Variants in LRRC8B observed in about 807,000 individuals in gnomAD.
The protein encoded by LRRC8B is volume-regulated anion channel subunit LRRC8B.
Under a neutral mutation model 58.8 loss-of-function variants are expected in LRRC8B, and 23 were observed. The ratio of observed to expected loss-of-function variants is 0.39; its 90% CI spans 0.28 to 0.55. The LOEUF (loss-of-function observed/expected upper bound fraction) is 0.55. LRRC8B is among the 20% of genes least tolerant of loss of function. The probability of loss-of-function intolerance (pLI) is 0.62; values close to 1 mark genes in which losing one functional copy is unlikely to be tolerated. For missense variants in LRRC8B, 694 were observed against 936.0 expected (o/e 0.74, Z 3.37); for synonymous variants, 359 against 374.1 (o/e 0.96, Z 0.47).
intron 1 of LRRC8B, among the ~76,000 whole-genome samples, chr1:89,561,635 TA>T (rs1427377800): frequency 9.0e-6 from 1 of 110,552 alleles, no homozygotes; most frequent in Non-Finnish European, 1.8e-5. Context: ...CACCATTTAT[TA>T]AATAGGGAAT....
chr1:89,560,756 T>C (rs960491956), intron 1 of LRRC8B, among the ~76,000 whole-genome samples: 34 of 150,086 alleles, frequency 2.3e-4, no homozygotes, highest in Non-Finnish European at 4.2e-4. Flanking sequence ...ATGGTGTATA[T>C]GTGCCACATT....
intron 1 of LRRC8B, among the ~76,000 whole-genome samples, chr1:89,562,602 C>T (rs1405244474): frequency 6.6e-6 from 1 of 152,050 alleles, no homozygotes; most frequent in Non-Finnish European, 1.5e-5. Flanking sequence ...CCCTGAGTAG[C>T]TGGGAGTACA....
intron 1 of LRRC8B, among the ~76,000 whole-genome samples, chr1:89,550,776 C>T (rs1651741355): frequency 1.3e-5 from 2 of 152,132 alleles, no homozygotes; most frequent in African/African-American, 4.8e-5. Flanking sequence ...CATTCCTGGT[C>T]AGTCTCACTG....
chr1:89,536,467 G>T (rs1286682865), intron 1 of LRRC8B, among the ~76,000 whole-genome samples: 1 of 152,204 alleles, frequency 6.6e-6, no homozygotes, highest in African/African-American at 2.4e-5. Flanking sequence ...AGAGTGCATG[G>T]CTCTTAGCAG....
rs142513950 is a variant in LRRC8B at position 89,534,182 on chromosome 1, C to G, written c.-241+9160C>G. Among the ~76,000 whole-genome samples the G allele has an allele frequency of 1.3e-4, 20 of 152,238 alleles. No homozygotes were observed. The East Asian group carries it at 3.9e-3, about 29-fold the overall frequency. ...TATCCTCTAAAACGATTTTGAAAAACGACTTGTTCTCATATATTTTTAAAG... is the reference window on the plus strand; with the variant it reads ...TATCCTCTAAAACGATTTTGAAAAAGGACTTGTTCTCATATATTTTTAAAG... On this transcript the variant is annotated intron_variant, in intron 1 of 5. Coordinates refer to ENST00000330947, the MANE Select transcript of LRRC8B (RefSeq NM_001369817.2).
rs1655160948 is a variant in LRRC8B at position 89,594,022 on chromosome 1, T to A, written c.*979T>A. 6.6e-6 allele frequency: 1 copy of A among 152,222 alleles called. No individual in the cohort carries two copies. Among genetic ancestry groups the A allele is most frequent in the Non-Finnish European group, 1.5e-5 (1 of 68,032 alleles). 9.4% of individuals were successfully genotyped at this position (152,222 alleles called of 1,614,324 possible). ...AAGATGTATTATCCTCGGGGCATCC[T>A]GAAAATTAATGTATTCCCTAAAATT... On this transcript the variant is annotated 3_prime_UTR_variant, in exon 6 of 6. Transcript: ENST00000330947.
intron 1 of LRRC8B, among the ~76,000 whole-genome samples, chr1:89,533,443 A>G (rs573129959): frequency 1.3e-5 from 2 of 152,312 alleles, no homozygotes; most frequent in South Asian, 4.1e-4. Flanking sequence ...AAGGTTCTAG[A>G]TAGCCAGATG....
chr1:89,560,079 T>A (rs1314156179), intron 1 of LRRC8B, among the ~76,000 whole-genome samples: 1 of 152,208 alleles, frequency 6.6e-6, no homozygotes, highest in African/African-American at 2.4e-5. Context: ...TCTCTAACAT[T>A]ACATGTAAGG....
At chr1:89,526,678 C>G (rs1191953505) in intron 1 of LRRC8B, among the ~76,000 whole-genome samples, 1 of 152,164 alleles carries the variant, frequency 6.6e-6, no homozygotes, top group Non-Finnish European at 1.5e-5. Context: ...AAAAAGAGGT[C>G]TCTTGAATGG....
intron 1 of LRRC8B, among the ~76,000 whole-genome samples, chr1:89,552,323 A>G (rs767574622): frequency 5.3e-5 from 8 of 152,152 alleles, no homozygotes; most frequent in South Asian, 2.1e-4. Context: ...CCCACACCCA[A>G]TCTCCTTGGA....
intron 1 of LRRC8B, among the ~76,000 whole-genome samples, chr1:89,534,274 T>C (rs566076739): frequency 3.3e-5 from 5 of 152,362 alleles, no homozygotes; most frequent in South Asian, 4.1e-4. Flanking sequence ...ATTATAACTA[T>C]TGGGTTTTAA....
chr1:89,541,339 C>A (rs1650952089), intron 1 of LRRC8B, among the ~76,000 whole-genome samples: 1 of 152,154 alleles, frequency 6.6e-6, no homozygotes, highest in South Asian at 2.1e-4. Context: ...GAGAGAGTTC[C>A]CATCACTTTT....
In LRRC8B at chr1:89,592,657, C is replaced by T. The variant is rs1437359117; in HGVS notation, c.2140-114C>T. ...AATTTATCATCATTGTAGTCTGCATCACTTATAAACCTCCAGAAATGTTTT... is the reference window on the plus strand; with the variant it reads ...AATTTATCATCATTGTAGTCTGCATTACTTATAAACCTCCAGAAATGTTTT... On this transcript the variant is annotated intron_variant, in intron 5 of 5. Coordinates refer to ENST00000330947, the MANE Select transcript of LRRC8B (RefSeq NM_001369817.2). The T allele has an allele frequency of 1.4e-5, 12 of 866,488 alleles. No individual in the cohort carries two copies. The Admixed American group carries it at 3.0e-4, about 21-fold the overall frequency. 53.7% of individuals were successfully genotyped at this position (866,488 alleles called of 1,614,324 possible).
Position 89,583,760 on chromosome 1 carries a change from T to C in LRRC8B, c.1110T>C (p.Leu370=). The change falls in exon 5 of 6, where the codon CTT becomes CTC. Residue 370 remains leucine (L), a synonymous_variant. Coordinates refer to ENST00000330947, the MANE Select transcript of LRRC8B (RefSeq NM_001369817.2). The surrounding 1 kb of genome is among the most constrained non-coding windows in gnomAD (Gnocchi z 5.2). ...TCAAGAATGACTTTGCCTTCATCCTTCATCTGGCTGATCAGTATGATCCTC... is the reference window on the plus strand; with the variant it reads ...TCAAGAATGACTTTGCCTTCATCCTCCATCTGGCTGATCAGTATGATCCTC... The part of the protein sequence containing the change: ...PDVKNDFAFI[L]HLADQYDPLY... The C allele has an allele frequency of 1.2e-6, 2 of 1,614,204 alleles. No homozygotes were observed. Among genetic ancestry groups the C allele is most frequent in the South Asian group, 2.2e-5 (2 of 91,088 alleles).
chr1:89,557,817 A>G (rs1465608326), intron 1 of LRRC8B, among the ~76,000 whole-genome samples: 1 of 152,210 alleles, frequency 6.6e-6, no homozygotes, highest in Non-Finnish European at 1.5e-5. Flanking sequence ...GGCTTGGGGA[A>G]CATTGAAATT....
intron 3 of LRRC8B, among the ~76,000 whole-genome samples, chr1:89,576,316 TA>T (rs1241110567): frequency 3.3e-5 from 5 of 152,174 alleles, no homozygotes; most frequent in Admixed American, 3.3e-4. Flanking sequence ...CAAGAAGACT[TA>T]AAAGACAGGC....
At chr1:89,589,128 G>T (rs1654817245) in intron 5 of LRRC8B, among the ~76,000 whole-genome samples, 1 of 151,642 alleles carries the variant, frequency 6.6e-6, no homozygotes, top group African/African-American at 2.4e-5. Context: ...TTTGCCTCTT[G>T]GCCCAGAAAG....
At chr1:89,589,167 G>A (rs1477357632) in intron 5 of LRRC8B, among the ~76,000 whole-genome samples, 1 of 152,078 alleles carries the variant, frequency 6.6e-6, no homozygotes, top group East Asian at 1.9e-4. Flanking sequence ...CTGGTCCTTT[G>A]GAGAAAAACT....
chr1:89,593,036 A>G lies in LRRC8B; in HGVS notation c.2405A>G (p.Lys802Arg). The G allele has an allele frequency of 6.2e-7, 1 of 1,609,462 alleles. No individual in the cohort carries two copies. The highest frequency in any genetic ancestry group is 2.2e-5 in the East Asian group (1 of 44,814). The change falls in exon 6 of 6, where the codon AAA becomes AGA. Residue 802 changes from lysine (K) to arginine (R), a missense_variant. Lys to Arg is a conservative substitution (Grantham distance 26, BLOSUM62 2). Around this residue, in one of 5 missense-constraint regions of LRRC8B, gnomAD observed 139 missense variants for 158.2 expected, o/e 0.88. Coordinates refer to ENST00000330947, the MANE Select transcript of LRRC8B (RefSeq NM_001369817.2). The part of the protein sequence containing the change: ...VTERLQTCLD[K>R]C ...GAACGTTTACAGACGTGCTTAGACA[A>G]ATGTTGACTTAAAGAAAAGAGACCC...
Sources: allele counts gnomAD v4.1 joint callset (sites outside exome capture counted in the v4.1 genomes callset), GRCh38; gene constraint gnomAD v4.1.1; regional missense constraint gnomAD v4.1.1; non-coding constraint Gnocchi (gnomAD v3.1); transcripts MANE v1.5; gene names NCBI Gene and HGNC (gene_info 2026-07-23, HGNC 2026-07-21).